The following ADGRG2 variants were observed in gnomAD, a reference collection of about 807,000 sequenced individuals.
ADGRG2 encodes G protein-coupled receptor 64.
Under a neutral mutation model 74.1 loss-of-function variants are expected in ADGRG2, and 26 were observed. The observed-to-expected ratio is 0.35, with a 90% confidence interval of 0.26 to 0.49. The LOEUF (loss-of-function observed/expected upper bound fraction) is 0.49, where lower values mean the gene tolerates loss of function less well. Among genes scored for constraint, ADGRG2 ranks in the 20% least tolerant of loss-of-function variants. ADGRG2 has a pLI of 0.99. For synonymous variants in ADGRG2, 296 were observed against 295.2 expected, an observed-to-expected ratio of 1.00 and a Z score of -0.03; for missense variants, 619 against 763.1, an observed-to-expected ratio of 0.81 and a Z score of 2.22.
At chrX:19,046,761 G>A (rs931819267) in intron 3 of ADGRG2, among the ~76,000 whole-genome samples, 1 of 111,725 alleles carries the variant, frequency 9.0e-6, no homozygotes, top group Non-Finnish European at 1.9e-5. Flanking sequence ...TTCAGGCCAC[G>A]GGATGTTGGA....
chrX:19,081,157 C>T (rs181621860), intron 2 of ADGRG2, among the ~76,000 whole-genome samples: 2 of 110,766 alleles, frequency 1.8e-5, no homozygotes, highest in African/African-American at 6.6e-5. Context: ...CCATCAGACT[C>T]GACTTTGCCT....
chrX:19,070,889 G>A (rs1339311656), intron 2 of ADGRG2, among the ~76,000 whole-genome samples: 1 of 112,107 alleles, frequency 8.9e-6, no homozygotes, highest in Non-Finnish European at 1.9e-5. Context: ...CCACCTGATA[G>A]TGCTGTTGCG....
chrX:18,998,672 C>A (rs1228828058), intron 26 of ADGRG2, among the ~76,000 whole-genome samples: 2 of 104,898 alleles, frequency 1.9e-5, no homozygotes, highest in Non-Finnish European at 3.9e-5. Context: ...TCTCTCAAGG[C>A]CATTTTTCCA....
intron 28 of ADGRG2, 54 bp from the exon 29 acceptor site, chrX:18,991,102 A>C: frequency 1.4e-6 from 1 of 717,330 alleles, no homozygotes; most frequent in Non-Finnish European, 2.0e-6. Context: ...AAAGCATTAA[A>C]AAGCAAACAA....
At chrX:19,004,506 G>A (rs531880684) in intron 23 of ADGRG2, among the ~76,000 whole-genome samples, 1 of 111,941 alleles carries the variant, frequency 8.9e-6, no homozygotes. Context: ...CACACTTTAT[G>A]TCTATCAGGT....
At chrX:19,052,883 C>G (rs911352489) in intron 3 of ADGRG2, among the ~76,000 whole-genome samples, 2 of 110,623 alleles carry the variant, frequency 1.8e-5, no homozygotes, top group African/African-American at 6.6e-5. Context: ...TTAGTAGAGA[C>G]AGGGTTTCAC....
At chrX:19,029,515 A>T (rs1251006585) in intron 9 of ADGRG2, among the ~76,000 whole-genome samples, 2 of 110,696 alleles carry the variant, frequency 1.8e-5, no homozygotes, top group Non-Finnish European at 3.8e-5. Flanking sequence ...CCCAGATTGG[A>T]ACCTGCAAGA....
rs2061722763 is a variant in ADGRG2, at chrX:19,075,093, A to G, written c.-1-6258T>C. ...AATACAATGTCTAACATACATTTAA[A>G]CAAAATTCAAAGAGAGAATCAGTGT... On this transcript the variant is annotated intron_variant, in intron 2 of 28. Coordinates refer to ENST00000379869, the MANE Select transcript of ADGRG2 (RefSeq NM_001079858.3). 2.7e-5 allele frequency among the ~76,000 whole-genome samples: 3 copies of G among 111,053 alleles called. No homozygotes were observed. The South Asian group carries it at 1.1e-3, about 42-fold the overall frequency.
rs142094230 is a variant in ADGRG2, at chrX:19,047,872, C to T, written c.119-7648G>A. Among the ~76,000 whole-genome samples, 364 of 111,575 alleles carry T rather than the reference C, an allele frequency of 3.3e-3. 1 individual carries two copies. The highest frequency in any genetic ancestry group is 0.011 in the African/African-American group (348 of 30,721). ...TGAAAACATTTCTAATTTGGCATAT[C>T]CAAAACATGTTTACTCGCGCTGGGA... On this transcript the variant is annotated intron_variant, in intron 3 of 28. Transcript: ENST00000379869.
chrX:19,002,354 C>T (rs1018318007), intron 24 of ADGRG2, among the ~76,000 whole-genome samples: 2 of 111,552 alleles, frequency 1.8e-5, no homozygotes, highest in African/African-American at 3.3e-5. Context: ...GTCATGCCCA[C>T]GTGGCAGTGA....
chrX:19,070,305 T>C (rs1276331875), intron 2 of ADGRG2, among the ~76,000 whole-genome samples: 2 of 112,912 alleles, frequency 1.8e-5, no homozygotes, highest in Non-Finnish European at 3.7e-5. Flanking sequence ...TACCATTCAT[T>C]CATTTATTCA....
chrX:19,022,834 T>C (rs1180967084), intron 13 of ADGRG2, among the ~76,000 whole-genome samples: 1 of 111,548 alleles, frequency 9.0e-6, no homozygotes, highest in East Asian at 2.8e-4. Context: ...GTAGCTGGGA[T>C]TACAAGAGCC....
Position 19,013,813 on chromosome X carries a change from C to T in ADGRG2, c.972G>A (p.Thr324=), listed in dbSNP as rs746381297. Residue 324 remains threonine (T), a synonymous_variant, in exon 16 of 29, where the codon ACG becomes ACA. Coordinates refer to ENST00000379869, the MANE Select transcript of ADGRG2 (RefSeq NM_001079858.3). ...PAIDMPPQSE[T]ISSPMPQTHV... is the part of the protein sequence containing the mutation. ...GGGTTTGGGGCATAGGGGAAGAGAT[C>T]GTTTCAGACTGTGGGGGCATGTCAA... 4 of 1,199,174 alleles carry T rather than the reference C, an allele frequency of 3.3e-6. No individual in the cohort carries two copies. The highest frequency in any genetic ancestry group is 3.7e-5 in the South Asian group (2 of 54,484).
At chrX:19,021,936 C>T (rs1485840313) in intron 13 of ADGRG2, among the ~76,000 whole-genome samples, 1 of 109,793 alleles carries the variant, frequency 9.1e-6, no homozygotes, top group Non-Finnish European at 1.9e-5. Context: ...GTGTGAGCCA[C>T]TGCACCCAGC....
chrX:19,077,514 C>CAA (rs78215190), intron 2 of ADGRG2, among the ~76,000 whole-genome samples: 8 of 40,283 alleles, frequency 2.0e-4, no homozygotes, highest in African/African-American at 5.4e-4. Flanking sequence ...AACTCTATTT[C>CAA]AAAAAAAAAA....
chrX:19,012,040 A>T (rs1044656776), intron 16 of ADGRG2, among the ~76,000 whole-genome samples: 1 of 112,061 alleles, frequency 8.9e-6, no homozygotes, highest in Non-Finnish European at 1.9e-5. Context: ...CATGGTGTGC[A>T]AACTATTTGT....
At chrX:19,081,605 A>G (rs2061847068) in intron 2 of ADGRG2, among the ~76,000 whole-genome samples, 1 of 112,091 alleles carries the variant, frequency 8.9e-6, no homozygotes, top group African/African-American at 3.2e-5. Context: ...AGCTGTTATA[A>G]CCTTATTTAT....
intron 15 of ADGRG2, among the ~76,000 whole-genome samples, chrX:19,015,620 G>T (rs1389750984): frequency 8.9e-6 from 1 of 112,387 alleles, no homozygotes; most frequent in Non-Finnish European, 1.9e-5. Flanking sequence ...TCGGGAGGCT[G>T]AGGCAGGGGA....
intron 1 of ADGRG2, among the ~76,000 whole-genome samples, chrX:19,086,681 G>A (rs758588222): frequency 5.9e-4 from 66 of 111,151 alleles, no homozygotes; most frequent in African/African-American, 2.1e-3. Flanking sequence ...CACTTGGGAA[G>A]GAGCACAGGT....
Sources: gnomAD v4.1 joint callset for allele counts (sites outside exome capture counted in the v4.1 genomes callset) on GRCh38, gnomAD v4.1.1 for gene constraint, MANE v1.5 for transcripts, NCBI Gene and HGNC (gene_info 2026-07-23, HGNC 2026-07-21) for gene names.